The following SRSF5 variants were observed in gnomAD, a reference collection of about 807,000 sequenced individuals.
SRSF5 encodes serine/arginine-rich splicing factor 5.
A neutral mutation model predicts 34.0 loss-of-function variants in SRSF5; 5 were observed. That is an observed-to-expected ratio of 0.15 (90% confidence interval 0.08 to 0.31). The LOEUF (loss-of-function observed/expected upper bound fraction) is 0.31, where lower values mean the gene tolerates loss of function less well. Among genes scored for constraint, SRSF5 ranks in the 10% least tolerant of loss-of-function variants. The pLI, the probability that SRSF5 is intolerant of heterozygous loss-of-function variation, is 1.00. For synonymous variants in SRSF5, 164 were observed against 117.7 expected (o/e 1.39, Z -2.55); for missense variants, 223 against 351.4 (o/e 0.63, Z 2.92).
chr14:69,767,929 G>C, intron 1 of SRSF5: 1 of 519,970 alleles, frequency 1.9e-6, no homozygotes, highest in Non-Finnish European at 3.5e-6. Flanking sequence ...CGGTTGCTGC[G>C]GTCTGGGCCC....
At position 69,770,979 on chromosome 14, in the gene SRSF5, C is replaced by A; in HGVS notation, c.441-16C>A. On this transcript the variant is annotated splice_polypyrimidine_tract_variant and intron_variant, in intron 6 of 7. Transcript: ENST00000557154. ...CAGGATGTATATACTTTAAAAGTGG[C>A]TGTTTTCCATTTTAGGGTGGTTGAG... is the stretch of plus-strand genomic sequence containing the variant. 1 of 1,602,912 alleles carries A rather than the reference C, an allele frequency of 6.2e-7. No homozygotes were observed. The highest frequency in any genetic ancestry group is 8.5e-7 in the Non-Finnish European group (1 of 1,173,736).
chr14:69,768,919 C>T (rs549909431), intron 4 of SRSF5, 23 bp downstream of exon 4: 2 of 1,604,028 alleles, frequency 1.2e-6, no homozygotes, highest in Non-Finnish European at 1.7e-6. Context: ...TGGATGGCTG[C>T]ATTGAACAAT....
intron 5 of SRSF5, chr14:69,769,621 G>A: frequency 1.3e-6 from 2 of 1,534,662 alleles, no homozygotes; most frequent in South Asian, 2.4e-5. Flanking sequence ...CTCCTACAGT[G>A]ATCAGTTGGC....
chr14:69,768,378 C>T (rs1882794516), intron 2 of SRSF5, 96 bp downstream of exon 2: 4 of 1,530,408 alleles, frequency 2.6e-6, no homozygotes, highest in East Asian at 2.3e-5. Context: ...TATTTGCCTT[C>T]AGAAAATGTT....
chr14:69,770,623 A>AT, intron 6 of SRSF5, 83 bp downstream of exon 6: 2 of 1,228,926 alleles, frequency 1.6e-6, no homozygotes, highest in African/African-American at 3.0e-5. Flanking sequence ...TAAAATTTGA[A>AT]TATGTTAGAA....
At chr14:69,770,131 TTAG>T in intron 5 of SRSF5, 1 of 1,049,850 alleles carries the variant, frequency 9.5e-7, no homozygotes, top group Non-Finnish European at 1.1e-6. Flanking sequence ...CTTCTCTACT[TTAG>T]TCTTTACTTT....
At chr14:69,769,113 T>C (rs1456454480) in intron 4 of SRSF5, 69 bp from the exon 5 acceptor site, 6 of 1,571,254 alleles carry the variant, frequency 3.8e-6, no homozygotes, top group Non-Finnish European at 5.3e-6. Context: ...TGGCTTGAAC[T>C]TGCCCACAGT....
chr14:69,767,685 T>C (rs1483502333), intron 1 of SRSF5: 1 of 365,936 alleles, frequency 2.7e-6, no homozygotes, highest in East Asian at 7.7e-5. Context: ...CGCCATTTTG[T>C]GGCCGCAGAG....
intron 5 of SRSF5, chr14:69,769,712 T>C: frequency 6.9e-7 from 1 of 1,446,150 alleles, no homozygotes; most frequent in Non-Finnish European, 9.1e-7. Flanking sequence ...TCCCAGAGCG[T>C]TGATAACGTG....
At position 69,770,556 on chromosome 14, in the gene SRSF5, T is replaced by G; in HGVS notation, c.440+16T>G. On this transcript the variant is annotated intron_variant, in intron 6 of 7. Coordinates refer to ENST00000557154, the MANE Select transcript of SRSF5 (RefSeq NM_001320214.2). ...TAAATGAAGGGTATGTACTGGAAAC[T>G]GTGAAAGTCTTTAAAAATATCCGGA... 1 of 1,600,286 alleles carries G rather than the reference T, an allele frequency of 6.2e-7. No homozygotes were observed. The highest frequency in any genetic ancestry group is 8.5e-7 in the Non-Finnish European group (1 of 1,173,520).
At chr14:69,767,737 G>C in intron 1 of SRSF5, 1 of 356,908 alleles carries the variant, frequency 2.8e-6, no homozygotes, top group Non-Finnish European at 5.5e-6. Flanking sequence ...TCGAGGCGTC[G>C]CGAGATTCTG....
chr14:69,770,886 T>C, intron 6 of SRSF5, 109 bp from the exon 7 acceptor site: 1 of 937,906 alleles, frequency 1.1e-6, no homozygotes, highest in Non-Finnish European at 1.6e-6. Context: ...TAAGACTCAA[T>C]AGTAGCAATA....
intron 2 of SRSF5, 115 bp from the exon 3 acceptor site, chr14:69,768,489 T>TA: frequency 8.1e-7 from 1 of 1,240,126 alleles, no homozygotes; most frequent in Non-Finnish European, 1.2e-6. Flanking sequence ...GGTTTGACTG[T>TA]ATGGCAGTGT....
intron 5 of SRSF5, 48 bp from the exon 6 acceptor site, chr14:69,770,419 T>C: frequency 6.2e-7 from 1 of 1,600,136 alleles, no homozygotes; most frequent in Non-Finnish European, 8.5e-7. Context: ...TGATTGTTTG[T>C]GTGTCCCCTT....
intron 1 of SRSF5, chr14:69,767,466 C>T (rs1394281118): frequency 2.2e-6 from 1 of 455,788 alleles, no homozygotes; most frequent in Admixed American, 2.4e-5. Context: ...GTCGTTTTTA[C>T]ACAGCGGTTG....
At position 69,767,204 on chromosome 14, in the gene SRSF5, C is replaced by A. The variant is rs562999024; in HGVS notation, c.-71C>A. 7.6e-5 allele frequency: 27 copies of A among 357,264 alleles called. 1 individual carries two copies. Among genetic ancestry groups the A allele is most frequent in the South Asian group, 5.7e-4 (27 of 47,428 alleles). The allele number at this position is 357,264 out of a possible 1,614,324, so 22.1% of individuals were successfully genotyped here. A position where few individuals can be genotyped will look rare whatever the true frequency, so the allele number is the denominator to read the frequency against. ...TCTGCGTGGAGGTCGACGACTCCGT[C>A]GCAGACTACGGACCTGTCTGGGTCT... On this transcript the variant is annotated 5_prime_UTR_variant, in exon 1 of 8. Transcript: ENST00000557154.
intron 5 of SRSF5, chr14:69,769,782 G>A: frequency 3.0e-6 from 4 of 1,353,542 alleles, no homozygotes; most frequent in Non-Finnish European, 3.8e-6. Context: ...AGGTCCGGTC[G>A]AAAAGAGTTG....
intron 2 of SRSF5, 124 bp from the exon 3 acceptor site, chr14:69,768,480 G>C: frequency 2.4e-6 from 3 of 1,230,714 alleles, no homozygotes; most frequent in Non-Finnish European, 3.5e-6. Context: ...CCTTGATTAG[G>C]TTTGACTGTA....
chr14:69,770,219 C>G, intron 5 of SRSF5: 1 of 1,268,164 alleles, frequency 7.9e-7, no homozygotes, highest in Non-Finnish European at 9.9e-7. Context: ...TCAGCATAGA[C>G]TAATACTACC....
Sources: allele counts gnomAD v4.1 joint callset, GRCh38; gene constraint gnomAD v4.1.1; transcripts MANE v1.5; gene names NCBI Gene and HGNC (gene_info 2026-07-23, HGNC 2026-07-21).